The following FUCA2 variants were observed in gnomAD, a reference collection of about 807,000 sequenced individuals.
The protein encoded by FUCA2 is plasma alpha-L-fucosidase.
FUCA2 carries 41 observed loss-of-function variants against 52.6 expected under a neutral mutation model. That is an observed-to-expected ratio of 0.78 (90% CI 0.61 to 1.01). The LOEUF is 1.01. Among genes scored for constraint, FUCA2 ranks in the 50% least tolerant of loss-of-function variants. FUCA2 has a pLI of 0.00. For missense variants in FUCA2, 507 were observed against 569.5 expected, an observed-to-expected ratio of 0.89 and a Z score of 1.12; for synonymous variants, 211 against 217.3, an observed-to-expected ratio of 0.97 and a Z score of 0.26.
chr6:143,497,782 G>A lies in FUCA2; in HGVS notation c.1155-285C>T, dbSNP rs553288492. Reference sequence around the variant, plus strand: ...GGGAGGGAGATGATCTAAGGGGACAGGATGCAAGAGCTTCATGGCTTTTCA... The same window carrying A: ...GGGAGGGAGATGATCTAAGGGGACAAGATGCAAGAGCTTCATGGCTTTTCA... On this transcript the variant is annotated intron_variant, in intron 5 of 6. Coordinates refer to ENST00000002165, the MANE Select transcript of FUCA2 (RefSeq NM_032020.5). This position sits in a 1 kb window ranked among gnomAD's most constrained non-coding sequence, Gnocchi z 5.3. Among the ~76,000 whole-genome samples the A allele has an allele frequency of 1.8e-3, 279 of 152,284 alleles. 1 individual carries two copies. The highest frequency in any genetic ancestry group is 6.3e-3 in the African/African-American group (262 of 41,562).
intron 6 of FUCA2, chr6:143,496,633 G>C (rs1780464066): frequency 6.6e-6 from 1 of 152,110 alleles, no homozygotes; most frequent in South Asian, 2.1e-4. Flanking sequence ...AAATATATCA[G>C]AATGAACTCA....
rs557550619 is a variant in FUCA2 at position 143,504,348 on chromosome 6, C to T, written c.413-96G>A. ...GCCCAAACAAATCACATAGTACATG[C>T]GATATATAAATACCTGCTCCTACAA... is the stretch of plus-strand genomic sequence containing the variant. On this transcript the variant is annotated intron_variant, in intron 2 of 6. Transcript: ENST00000002165. The surrounding 1 kb of genome is among the most constrained non-coding windows in gnomAD (Gnocchi z 4.4). The T allele has an allele frequency of 7.1e-6, 7 of 991,776 alleles. No individual in the cohort carries two copies. Among genetic ancestry groups the T allele is most frequent in the African/African-American group, 3.2e-5 (2 of 61,624 alleles). 61.4% of individuals were successfully genotyped at this position (991,776 alleles called of 1,614,324 possible).
chr6:143,502,528 C>T lies in FUCA2; in HGVS notation c.790G>A (p.Gly264Arg), dbSNP rs1670557635. The change falls in exon 4 of 7, where the codon GGA becomes AGA. Residue 264 changes from glycine to arginine, a missense_variant. Gly to Arg is a moderately radical substitution (Grantham distance 125). Coordinates refer to ENST00000002165, the MANE Select transcript of FUCA2 (RefSeq NM_032020.5). This position sits in a 1 kb window ranked among gnomAD's most constrained non-coding sequence, Gnocchi z 4.1. The part of the protein sequence containing the change: ...RGTVVTNDRW[G>R]AGSICKHGGF... The stretch of plus-strand genomic sequence containing the variant: ...CCATGCTTACAGATGCTACCAGCTC[C>T]CCAACGATCATTGGTGACTACTGTG... 1 of 1,613,894 alleles carries T rather than the reference C, an allele frequency of 6.2e-7. No homozygotes were observed. The highest frequency in any genetic ancestry group is 1.1e-5 in the South Asian group (1 of 91,072).
In FUCA2 at chr6:143,509,114, T is replaced by A. The variant is rs1780650926; in HGVS notation, c.225-1690A>T. On this transcript the variant is annotated intron_variant, in intron 1 of 6. Coordinates refer to ENST00000002165, the MANE Select transcript of FUCA2 (RefSeq NM_032020.5). The surrounding 1 kb of genome is among the most constrained non-coding windows in gnomAD (Gnocchi z 5.4). Reference sequence around the variant, plus strand: ...CAAGAATAAGGAATTTCTCCTAGCATCATCTAATTTGAACCTGCACTGTCC... The same window carrying A: ...CAAGAATAAGGAATTTCTCCTAGCAACATCTAATTTGAACCTGCACTGTCC... 6.6e-6 allele frequency among the ~76,000 whole-genome samples: 1 copy of A among 152,206 alleles called. No homozygotes were observed. Among genetic ancestry groups the A allele is most frequent in the African/African-American group, 2.4e-5 (1 of 41,450 alleles).
rs1459865036 is a variant in FUCA2, at chr6:143,501,358, T to C, written c.1154+574A>G. Among the ~76,000 whole-genome samples the C allele has an allele frequency of 6.6e-6, 1 of 152,208 alleles. No individual in the cohort carries two copies. The highest frequency in any genetic ancestry group is 1.5e-5 in the Non-Finnish European group (1 of 68,048). The stretch of plus-strand genomic sequence containing the variant: ...AAGCGAATTTTTAGAACTTCACCAA[T>C]ACTCATCTTATTTTATATATGTTAA... On this transcript the variant is annotated intron_variant, in intron 5 of 6. Transcript: ENST00000002165. The surrounding 1 kb of genome is among the most constrained non-coding windows in gnomAD (Gnocchi z 6.1).
At chr6:143,506,591 C>T (rs971698965) in intron 2 of FUCA2, 1 of 152,092 alleles carries the variant, frequency 6.6e-6, no homozygotes, top group Non-Finnish European at 1.5e-5. Context: ...CTTCCCTGGC[C>T]TTACAAATAC....
rs183432317 is a variant in FUCA2 at position 143,511,635 on chromosome 6, G to A, written c.-1C>T. The A allele has an allele frequency of 1.3e-5, 19 of 1,512,510 alleles. No individual in the cohort carries two copies. The Admixed American group carries it at 1.5e-4, about 12-fold the overall frequency. The allele number at this position is 1,512,510 out of a possible 1,614,324, so 93.7% of individuals were successfully genotyped here. The stretch of plus-strand genomic sequence containing the variant: ...GCCTGGGGAGCTCCTGGGGCCGCAT[G>A]TCCCGGCGCAGGCCGGCTGTCCTCT... On this transcript the variant is annotated 5_prime_UTR_variant, in exon 1 of 7. Coordinates refer to ENST00000002165, the MANE Select transcript of FUCA2 (RefSeq NM_032020.5). This position sits in a 1 kb window ranked among gnomAD's most constrained non-coding sequence, Gnocchi z 6.3.
chr6:143,508,668 T>C lies in FUCA2; in HGVS notation c.225-1244A>G, dbSNP rs538749089. Among the ~76,000 whole-genome samples the C allele has an allele frequency of 4.6e-5, 7 of 152,300 alleles. No individual in the cohort carries two copies. The East Asian group carries it at 9.6e-4, about 21-fold the overall frequency. ...AAAAGAGACACTGGCCTTCCTGCCTTTGGGCAGGGTTGTGTGAAGTTATGG... is the reference window on the plus strand; with the variant it reads ...AAAAGAGACACTGGCCTTCCTGCCTCTGGGCAGGGTTGTGTGAAGTTATGG... On this transcript the variant is annotated intron_variant, in intron 1 of 6. Transcript: ENST00000002165.
Position 143,497,955 on chromosome 6 carries a change from G to C in FUCA2, c.1155-458C>G, listed in dbSNP as rs564167097. Among the ~76,000 whole-genome samples, 2 of 152,224 alleles carry C rather than the reference G, an allele frequency of 1.3e-5. No homozygotes were observed. The highest frequency in any genetic ancestry group is 2.9e-5 in the Non-Finnish European group (2 of 68,034). On this transcript the variant is annotated intron_variant, in intron 5 of 6. Coordinates refer to ENST00000002165, the MANE Select transcript of FUCA2 (RefSeq NM_032020.5). This position sits in a 1 kb window ranked among gnomAD's most constrained non-coding sequence, Gnocchi z 5.3. Reference sequence around the variant, plus strand: ...CCTTGTTCTTATGGAGCTTAGACTAGAGTGGGGAAAGCAGACACTAAACAA... The same window carrying C: ...CCTTGTTCTTATGGAGCTTAGACTACAGTGGGGAAAGCAGACACTAAACAA...
rs780789991 is a variant in FUCA2, at chr6:143,504,024, T to C, written c.641A>G (p.Tyr214Cys). 9.3e-6 allele frequency: 15 copies of C among 1,614,052 alleles called. No individual in the cohort carries two copies. The East Asian group carries it at 1.6e-4, about 17-fold the overall frequency. Residue 214 changes from tyrosine (Y) to cysteine (C), a missense_variant, in exon 3 of 7, where the codon TAT (tyrosine) becomes TGT (cysteine). Tyr to Cys is a radical substitution (Grantham distance 194). Transcript: ENST00000002165. This position sits in a 1 kb window ranked among gnomAD's most constrained non-coding sequence, Gnocchi z 4.4. The part of the protein sequence containing the change: ...FPVSKTLPEL[Y>C]ELVNNYQPEV... ...AGGCTGATAGTTGTTCACTAACTCA[T>C]AGAGCTCTGGCAATGTCTTAGAAAC... is the stretch of plus-strand genomic sequence containing the variant.
chr6:143,497,094 G>A lies in FUCA2; in HGVS notation c.1263+295C>T, dbSNP rs1780470098. On this transcript the variant is annotated intron_variant, in intron 6 of 6. Transcript: ENST00000002165. The surrounding 1 kb of genome is among the most constrained non-coding windows in gnomAD (Gnocchi z 5.3). ...CCTGCCTCAGCCTCCTGAGTAACTA[G>A]GACTACAGGTGCGTGCCACCATGCT... 3.8e-6 allele frequency: 1 copy of A among 261,212 alleles called. No homozygotes were observed. The highest frequency in any genetic ancestry group is 7.4e-6 in the Non-Finnish European group (1 of 135,008). 16.2% of individuals were successfully genotyped at this position (261,212 alleles called of 1,614,324 possible). A position where few individuals can be genotyped will look rare whatever the true frequency, so the allele number is the denominator to read the frequency against.
At position 143,503,665 on chromosome 6, in the gene FUCA2, T is replaced by C; in HGVS notation, c.752+248A>G. The C allele has an allele frequency of 2.4e-6, 1 of 413,296 alleles. No individual in the cohort carries two copies. Among genetic ancestry groups the C allele is most frequent in the Non-Finnish European group, 4.3e-6 (1 of 231,714 alleles). The allele number at this position is 413,296 out of a possible 1,614,324, so 25.6% of individuals were successfully genotyped here. A position where few individuals can be genotyped will look rare whatever the true frequency, so the allele number is the denominator to read the frequency against. ...CCCACAAAATTAACACCTTCAAAGTTCTTGATCCTGTGATTTTTAGTCTGA... is the reference window on the plus strand; with the variant it reads ...CCCACAAAATTAACACCTTCAAAGTCCTTGATCCTGTGATTTTTAGTCTGA... On this transcript the variant is annotated intron_variant, in intron 3 of 6. Transcript: ENST00000002165. This position sits in a 1 kb window ranked among gnomAD's most constrained non-coding sequence, Gnocchi z 4.8.
Position 143,503,834 on chromosome 6 carries a change from C to T in FUCA2, c.752+79G>A, listed in dbSNP as rs1780563064. Reference sequence around the variant, plus strand: ...ACCAATGACTTAAAATGAAATATTTCAAGAGGTGAAGGAATTAAAATGTTA... The same window carrying T: ...ACCAATGACTTAAAATGAAATATTTTAAGAGGTGAAGGAATTAAAATGTTA... On this transcript the variant is annotated intron_variant, in intron 3 of 6. Transcript: ENST00000002165. This position sits in a 1 kb window ranked among gnomAD's most constrained non-coding sequence, Gnocchi z 4.8. The T allele has an allele frequency of 3.6e-6, 4 of 1,103,542 alleles. No homozygotes were observed. The highest frequency in any genetic ancestry group is 3.1e-5 in the African/African-American group (2 of 63,712). The allele number at this position is 1,103,542 out of a possible 1,614,324, so 68.4% of individuals were successfully genotyped here. A position where few individuals can be genotyped will look rare whatever the true frequency, so the allele number is the denominator to read the frequency against.
In FUCA2 at chr6:143,511,648, C is replaced by A; in HGVS notation, c.-14G>T. 6.7e-7 allele frequency: 1 copy of A among 1,494,628 alleles called. No homozygotes were observed. The highest frequency in any genetic ancestry group is 8.9e-7 in the Non-Finnish European group (1 of 1,122,610). 92.6% of individuals were successfully genotyped at this position (1,494,628 alleles called of 1,614,324 possible). On this transcript the variant is annotated 5_prime_UTR_variant, in exon 1 of 7. Transcript: ENST00000002165. The surrounding 1 kb of genome is among the most constrained non-coding windows in gnomAD (Gnocchi z 6.3). Reference sequence around the variant, plus strand: ...CTGGGGCCGCATGTCCCGGCGCAGGCCGGCTGTCCTCTCTGCAGGCTCCCG... The same window carrying A: ...CTGGGGCCGCATGTCCCGGCGCAGGACGGCTGTCCTCTCTGCAGGCTCCCG...
At position 143,501,824 on chromosome 6, in the gene FUCA2, T is replaced by G; in HGVS notation, c.1154+108A>C. ...CAAAGTTTGGAAAGTGCTTTGTATA[T>G]GTAGGAATTCATCCAATTTCTCTTT... On this transcript the variant is annotated intron_variant, in intron 5 of 6. Transcript: ENST00000002165. The surrounding 1 kb of genome is among the most constrained non-coding windows in gnomAD (Gnocchi z 6.1). 1 of 945,778 alleles carries G rather than the reference T, an allele frequency of 1.1e-6. No individual in the cohort carries two copies. The highest frequency in any genetic ancestry group is 1.8e-5 in the South Asian group (1 of 54,630). The allele number at this position is 945,778 out of a possible 1,614,324, so 58.6% of individuals were successfully genotyped here. A position where few individuals can be genotyped will look rare whatever the true frequency, so the allele number is the denominator to read the frequency against.
chr6:143,503,128 A>C lies in FUCA2; in HGVS notation c.753-563T>G, dbSNP rs1333522486. 1 of 153,240 alleles carries C rather than the reference A, an allele frequency of 6.5e-6. No individual in the cohort carries two copies. The highest frequency in any genetic ancestry group is 1.5e-5 in the Non-Finnish European group (1 of 68,678). The allele number at this position is 153,240 out of a possible 1,614,324, so 9.5% of individuals were successfully genotyped here. On this transcript the variant is annotated intron_variant, in intron 3 of 6. Coordinates refer to ENST00000002165, the MANE Select transcript of FUCA2 (RefSeq NM_032020.5). The surrounding 1 kb of genome is among the most constrained non-coding windows in gnomAD (Gnocchi z 4.8). Reference sequence around the variant, plus strand: ...TATTTAAGAGGGAAATACACGCCACATAGAGGGAACAGTTTTGAGTCACAA... The same window carrying C: ...TATTTAAGAGGGAAATACACGCCACCTAGAGGGAACAGTTTTGAGTCACAA...
At chr6:143,508,921 G>A (rs1780646778) in intron 1 of FUCA2, among the ~76,000 whole-genome samples, 2 of 152,082 alleles carry the variant, frequency 1.3e-5, no homozygotes, top group Non-Finnish European at 1.5e-5. Context: ...ACAGGGTCTT[G>A]CTCCATTACC....
In FUCA2 at chr6:143,495,150, C is replaced by T. The variant is rs977271392; in HGVS notation, c.*557G>A. ...ACCTTCTCTATGTTTCCATATGTTT[C>T]GATATACAAATACCACTGTTACTAT... On this transcript the variant is annotated 3_prime_UTR_variant, in exon 7 of 7. Coordinates refer to ENST00000002165, the MANE Select transcript of FUCA2 (RefSeq NM_032020.5). This position sits in a 1 kb window ranked among gnomAD's most constrained non-coding sequence, Gnocchi z 5.2. 4 of 152,136 alleles carry T rather than the reference C, an allele frequency of 2.6e-5. No individual in the cohort carries two copies. Among genetic ancestry groups the T allele is most frequent in the Middle Eastern group, 3.1e-3 (1 of 318 alleles). 9.4% of individuals were successfully genotyped at this position (152,136 alleles called of 1,614,324 possible).
At position 143,500,683 on chromosome 6, in the gene FUCA2, G is replaced by C. The variant is rs376780281; in HGVS notation, c.1154+1249C>G. Among the ~76,000 whole-genome samples the C allele has an allele frequency of 6.6e-6, 1 of 152,160 alleles. No homozygotes were observed. Among genetic ancestry groups the C allele is most frequent in the Non-Finnish European group, 1.5e-5 (1 of 68,030 alleles). On this transcript the variant is annotated intron_variant, in intron 5 of 6. Coordinates refer to ENST00000002165, the MANE Select transcript of FUCA2 (RefSeq NM_032020.5). This position sits in a 1 kb window ranked among gnomAD's most constrained non-coding sequence, Gnocchi z 6.9. ...TAATGCAAAGGAACAGGTAACAAAG[G>C]TCAAGCGGACAAGACCCCTAGAAGA... is the stretch of plus-strand genomic sequence containing the variant.
Sources: allele counts gnomAD v4.1 joint callset (sites outside exome capture counted in the v4.1 genomes callset), GRCh38; gene constraint gnomAD v4.1.1; non-coding constraint Gnocchi (gnomAD v3.1); transcripts MANE v1.5; gene names NCBI Gene and HGNC (gene_info 2026-07-23, HGNC 2026-07-21).